The following ZFAND3 variants were observed in gnomAD, a reference collection of about 807,000 sequenced individuals.
ZFAND3 encodes the protein zinc finger AN1-type containing 3.
In ZFAND3, 10 loss-of-function variants were observed where a neutral mutation model predicts 29.6. The observed-to-expected ratio is 0.34, with a 90% CI of 0.21 to 0.57. The LOEUF (loss-of-function observed/expected upper bound fraction) is 0.57, where lower values mean the gene tolerates loss of function less well. Among genes scored for constraint, ZFAND3 ranks in the 20% least tolerant of loss-of-function variants. ZFAND3 has a pLI of 0.86. For synonymous variants in ZFAND3, 128 were observed against 112.6 expected, an observed-to-expected ratio of 1.14 and a Z score of -0.87; for missense variants, 230 against 304.5, an observed-to-expected ratio of 0.76 and a Z score of 1.82.
intron 4 of ZFAND3, among the ~76,000 whole-genome samples, chr6:38,105,620 A>G (rs1468094593): frequency 2.0e-5 from 3 of 152,104 alleles, no homozygotes; most frequent in Non-Finnish European, 4.4e-5. Flanking sequence ...TGGCGATGGG[A>G]ATGTTGTATG....
intron 1 of ZFAND3, among the ~76,000 whole-genome samples, chr6:37,844,431 G>C (rs1407465619): frequency 6.6e-6 from 1 of 151,836 alleles, no homozygotes; most frequent in African/African-American, 2.4e-5. Context: ...ACAGGCGCCC[G>C]CCACCACACC....
chr6:37,872,217 A>T (rs1035401594), intron 1 of ZFAND3, among the ~76,000 whole-genome samples: 1 of 152,204 alleles, frequency 6.6e-6, no homozygotes, highest in African/African-American at 2.4e-5. Context: ...CATTTAGAAA[A>T]ACAAAAGGAA....
At chr6:37,829,915 A>G (rs1051065643) in intron 1 of ZFAND3, among the ~76,000 whole-genome samples, 3 of 152,218 alleles carry the variant, frequency 2.0e-5, no homozygotes, top group Admixed American at 6.5e-5. Flanking sequence ...GCACTCTTGT[A>G]TAGTAGGATC....
At chr6:38,105,350 A>G (rs1311806514) in intron 4 of ZFAND3, among the ~76,000 whole-genome samples, 1 of 152,130 alleles carries the variant, frequency 6.6e-6, no homozygotes, top group Non-Finnish European at 1.5e-5. Context: ...GGCTGCCGTG[A>G]CCTGTGATCA....
At chr6:37,948,347 C>A (rs192943464) in intron 2 of ZFAND3, among the ~76,000 whole-genome samples, 1 of 152,232 alleles carries the variant, frequency 6.6e-6, no homozygotes, top group Non-Finnish European at 1.5e-5. Flanking sequence ...ATGAAATGAT[C>A]TTTTTAATTG....
In ZFAND3 at chr6:37,890,850, T is replaced by C. The variant is rs1394557581; in HGVS notation, c.72-39109T>C. On this transcript the variant is annotated intron_variant, in intron 1 of 5. Coordinates refer to ENST00000287218, the MANE Select transcript of ZFAND3 (RefSeq NM_021943.3). ...TTTTATTTTGAAACAATTTAAACTA[T>C]CTTGACAATTCATCCTAGTTTTCAG... 3.9e-5 allele frequency among the ~76,000 whole-genome samples: 6 copies of C among 152,242 alleles called. No homozygotes were observed. The East Asian group carries it at 1.2e-3, about 29-fold the overall frequency.
rs1026187301 is a variant in ZFAND3 at position 37,883,601 on chromosome 6, G to A, written c.72-46358G>A. Among the ~76,000 whole-genome samples the A allele has an allele frequency of 1.3e-4, 19 of 142,372 alleles. 3 individuals are homozygous for A. The highest frequency in any genetic ancestry group is 4.3e-4 in the African/African-American group (15 of 34,588). The allele number at this position is 142,372 out of a possible 152,430, so 93.4% of individuals were successfully genotyped here. A position where few individuals can be genotyped will look rare whatever the true frequency, so the allele number is the denominator to read the frequency against. The stretch of plus-strand genomic sequence containing the variant: ...TCTGTTGCCCAGGCTGGAGTGCAGC[G>A]GCACAATCTTGGCTCACTGCAACCT... On this transcript the variant is annotated intron_variant, in intron 1 of 5. Coordinates refer to ENST00000287218, the MANE Select transcript of ZFAND3 (RefSeq NM_021943.3).
At chr6:38,144,994 G>A (rs569771417) in intron 5 of ZFAND3, among the ~76,000 whole-genome samples, 50 of 152,314 alleles carry the variant, frequency 3.3e-4, no homozygotes, top group African/African-American at 1.2e-3. Context: ...AGGAAATTCT[G>A]TGTAAAAGGG....
chr6:37,891,129 C>G (rs1044135183), intron 1 of ZFAND3, among the ~76,000 whole-genome samples: 1 of 152,180 alleles, frequency 6.6e-6, no homozygotes, highest in Non-Finnish European at 1.5e-5. Context: ...AAATTTCCTT[C>G]TTTGGGACAT....
chr6:38,085,748 C>A (rs1172186878), intron 4 of ZFAND3, among the ~76,000 whole-genome samples: 1 of 152,088 alleles, frequency 6.6e-6, no homozygotes, highest in Non-Finnish European at 1.5e-5. Context: ...CCCATACATG[C>A]AGTTTATAAA....
At chr6:38,061,007 A>G (rs780314549) in intron 2 of ZFAND3, among the ~76,000 whole-genome samples, 4 of 152,210 alleles carry the variant, frequency 2.6e-5, no homozygotes, top group Non-Finnish European at 4.4e-5. Context: ...GTTCAAACCC[A>G]TGATGTTCAA....
At chr6:38,076,536 C>T (rs1764556972) in intron 3 of ZFAND3, among the ~76,000 whole-genome samples, 1 of 152,114 alleles carries the variant, frequency 6.6e-6, no homozygotes, top group Non-Finnish European at 1.5e-5. Context: ...ATTCCCTTCT[C>T]GTAAATTACT....
At chr6:37,969,944 G>A (rs1018630776) in intron 2 of ZFAND3, among the ~76,000 whole-genome samples, 5 of 151,948 alleles carry the variant, frequency 3.3e-5, no homozygotes, top group Admixed American at 6.6e-5. Context: ...CAGGCCGGGC[G>A]CCAGTGACCT....
At chr6:38,106,907 CA>C (rs2052544864) in intron 4 of ZFAND3, among the ~76,000 whole-genome samples, 1 of 152,098 alleles carries the variant, frequency 6.6e-6, no homozygotes, top group Admixed American at 6.5e-5. Context: ...TTAAACAGAT[CA>C]AATAAACTGG....
chr6:37,878,842 T>C (rs1201894359), intron 1 of ZFAND3, among the ~76,000 whole-genome samples: 1 of 152,218 alleles, frequency 6.6e-6, no homozygotes, highest in Non-Finnish European at 1.5e-5. Context: ...TCATTTATTA[T>C]ATAGGCACCC....
chr6:38,119,320 G>A (rs1765482930), intron 5 of ZFAND3, among the ~76,000 whole-genome samples: 1 of 152,174 alleles, frequency 6.6e-6, no homozygotes, highest in African/African-American at 2.4e-5. Context: ...TGCCCTGAAA[G>A]GTTTTAGAGG....
At chr6:38,039,433 G>A (rs1178922910) in intron 2 of ZFAND3, among the ~76,000 whole-genome samples, 3 of 152,232 alleles carry the variant, frequency 2.0e-5, no homozygotes, top group African/African-American at 7.2e-5. Context: ...ACACATTTGT[G>A]TTCTGGGTTG....
intron 3 of ZFAND3, among the ~76,000 whole-genome samples, chr6:38,067,112 A>T (rs1161922614): frequency 6.6e-6 from 1 of 152,232 alleles, no homozygotes; most frequent in Non-Finnish European, 1.5e-5. Flanking sequence ...AGTACCTTAT[A>T]TGCACAATCA....
chr6:37,992,155 C>A (rs1222878212), intron 2 of ZFAND3, among the ~76,000 whole-genome samples: 1 of 152,266 alleles, frequency 6.6e-6, no homozygotes, highest in East Asian at 1.9e-4. Context: ...CTTTTAAATT[C>A]ACTCACCCTT....
Sources: allele counts gnomAD v4.1 joint callset (sites outside exome capture counted in the v4.1 genomes callset), GRCh38; gene constraint gnomAD v4.1.1; transcripts MANE v1.5; gene names NCBI Gene and HGNC (gene_info 2026-07-23, HGNC 2026-07-21).